Variants in HTR2C observed in about 807,000 individuals in gnomAD.
The protein encoded by HTR2C is 5-hydroxytryptamine receptor 2C.
HTR2C carries 5 observed loss-of-function variants against 21.0 expected under a neutral mutation model. The observed-to-expected ratio is 0.24, with a 90% CI of 0.12 to 0.50. The LOEUF (loss-of-function observed/expected upper bound fraction) is 0.50. HTR2C is among the 20% of genes least tolerant of loss of function. The pLI is 0.98. For missense variants in HTR2C, 271 were observed against 371.2 expected, an observed-to-expected ratio of 0.73 and a Z score of 2.22; for synonymous variants, 150 against 145.3, an observed-to-expected ratio of 1.03 and a Z score of -0.23.
chrX:114,658,614 T>C (rs1556409651), intron 2 of HTR2C, among the ~76,000 whole-genome samples: 1 of 111,214 alleles, frequency 9.0e-6, no homozygotes, highest in African/African-American at 3.3e-5. Flanking sequence ...TACTCTCCCA[T>C]AGTAAATATG....
At chrX:114,735,012 A>G (rs2069576699) in intron 4 of HTR2C, among the ~76,000 whole-genome samples, 1 of 111,702 alleles carries the variant, frequency 9.0e-6, no homozygotes, top group Non-Finnish European at 1.9e-5. Context: ...TTTAAAAAAT[A>G]AAATAGTGGA....
At chrX:114,848,948 G>A (rs1556468456) in intron 5 of HTR2C, among the ~76,000 whole-genome samples, 1 of 111,199 alleles carries the variant, frequency 9.0e-6, no homozygotes, top group Admixed American at 9.6e-5. Context: ...TCCAGTTGGT[G>A]TAAATAATTT....
At position 114,587,512 on chromosome X, in the gene HTR2C, T is replaced by G. The variant is rs782585138; in HGVS notation, c.-147+2853T>G. 6.2e-5 allele frequency among the ~76,000 whole-genome samples: 7 copies of G among 112,282 alleles called. No homozygotes were observed. The South Asian group carries it at 2.6e-3, about 41-fold the overall frequency. On this transcript the variant is annotated intron_variant, in intron 1 of 5. Transcript: ENST00000276198. ...TCATAAATTGAAGTTAATAATATAT[T>G]ATTGTGATATTTTATGTCAGTATCA... is the stretch of plus-strand genomic sequence containing the variant.
chrX:114,759,069 C>G (rs2069841003), intron 4 of HTR2C, among the ~76,000 whole-genome samples: 1 of 111,811 alleles, frequency 8.9e-6, no homozygotes, highest in Admixed American at 9.6e-5. Context: ...AAAAAATACT[C>G]ATGTTCAGGT....
chrX:114,827,566 ATTTTCCTTTAGTGTAATTTCCTTTAGTG>A (rs1466112279), intron 4 of HTR2C, among the ~76,000 whole-genome samples: 2 of 109,595 alleles, frequency 1.8e-5, no homozygotes, highest in African/African-American at 3.3e-5. Context: ...CTTTAGTGTA[ATTTTCCTTTAGTGTAATTTCCTTTAGTG>A]TTTTCCTTTA....
At chrX:114,669,495 T>A (rs1330831967) in intron 2 of HTR2C, among the ~76,000 whole-genome samples, 1 of 111,997 alleles carries the variant, frequency 8.9e-6, no homozygotes, top group Non-Finnish European at 1.9e-5. Flanking sequence ...TTGAGCATAA[T>A]AATCATCAGG....
At chrX:114,588,666 C>T (rs1263185338) in intron 1 of HTR2C, among the ~76,000 whole-genome samples, 3 of 111,725 alleles carry the variant, frequency 2.7e-5, no homozygotes, top group African/African-American at 9.7e-5. Context: ...TAAACGCTTA[C>T]GAATAAATGT....
At chrX:114,806,273 T>G (rs782277043) in intron 4 of HTR2C, among the ~76,000 whole-genome samples, 1 of 98,415 alleles carries the variant, frequency 1.0e-5, no homozygotes, top group Non-Finnish European at 2.0e-5. Context: ...ATATACACCA[T>G]ATATATACAC....
intron 5 of HTR2C, among the ~76,000 whole-genome samples, chrX:114,891,939 T>C (rs782165494): frequency 8.1e-5 from 9 of 111,586 alleles, no homozygotes; most frequent in African/African-American, 2.9e-4. Flanking sequence ...CTTTTTTCTC[T>C]TATTTATCCT....
In HTR2C at chrX:114,821,850, A is replaced by T. The variant is rs1443469920; in HGVS notation, c.350-26153A>T. On this transcript the variant is annotated intron_variant, in intron 4 of 5. Transcript: ENST00000276198. ...TGTTAATCCTGCTAGTGTCATCAAG[A>T]CTAAACAAATTATAAAGACTAAATA... is the stretch of plus-strand genomic sequence containing the variant. Among the ~76,000 whole-genome samples, 6 of 109,554 alleles carry T rather than the reference A, an allele frequency of 5.5e-5. No individual in the cohort carries two copies. In the South Asian group the frequency reaches 2.0e-3, roughly 36 times the overall value.
chrX:114,776,132 C>T (rs2070054417), intron 4 of HTR2C: 4 of 507,567 alleles, frequency 7.9e-6, no homozygotes, highest in Admixed American at 5.2e-5. Context: ...CTCAAAGATT[C>T]CATCCTGAAT....
At chrX:114,858,810 G>T (rs979469791) in intron 5 of HTR2C, among the ~76,000 whole-genome samples, 12 of 110,050 alleles carry the variant, frequency 1.1e-4, no homozygotes, top group African/African-American at 3.9e-4. Context: ...ATATTTGTAA[G>T]TTTTGTAAAA....
At chrX:114,877,600 A>G (rs2071148794) in intron 5 of HTR2C, among the ~76,000 whole-genome samples, 1 of 110,851 alleles carries the variant, frequency 9.0e-6, no homozygotes, top group Non-Finnish European at 1.9e-5. Context: ...TATTAGAACT[A>G]CTATTGCTAC....
chrX:114,650,602 A>T (rs931532252), intron 2 of HTR2C, among the ~76,000 whole-genome samples: 2 of 110,770 alleles, frequency 1.8e-5, no homozygotes, highest in Admixed American at 9.6e-5. Context: ...CATCCAAACT[A>T]CTCACTCCCA....
intron 4 of HTR2C, among the ~76,000 whole-genome samples, chrX:114,815,033 TC>T (rs1327353808): frequency 9.5e-6 from 1 of 104,806 alleles, no homozygotes; most frequent in African/African-American, 3.4e-5. Context: ...ATATTGTATA[TC>T]ATATAATAAA....
chrX:114,761,990 C>CATATGTGTATATATATGTG lies in HTR2C; in HGVS notation c.349+30383_349+30384insATATGTGTATATATATGTG, dbSNP rs782126342. Among the ~76,000 whole-genome samples the CATATGTGTATATATATGTG allele has an allele frequency of 2.0e-4, 2 of 9,911 alleles. 1 individual carries two copies. The highest frequency in any genetic ancestry group is 3.9e-4 in the Non-Finnish European group (2 of 5,085). 8.6% of individuals were successfully genotyped at this position (9,911 alleles called of 115,157 possible). A position where few individuals can be genotyped will look rare whatever the true frequency, so the allele number is the denominator to read the frequency against. On this transcript the variant is annotated intron_variant, in intron 4 of 5. Transcript: ENST00000276198. ...ATGTGTATATATACGTGTATATATA[C>CATATGTGTATATATATGTG]TATATATACACATATATATAGTATA...
chrX:114,903,329 T>G (rs1377908403), intron 5 of HTR2C, among the ~76,000 whole-genome samples: 2 of 112,443 alleles, frequency 1.8e-5, no homozygotes, highest in African/African-American at 6.5e-5. Flanking sequence ...GGTAAACTGG[T>G]TAAGCTACTT....
chrX:114,726,420 C>G (rs1489037710), intron 2 of HTR2C, among the ~76,000 whole-genome samples: 3 of 112,394 alleles, frequency 2.7e-5, no homozygotes, highest in African/African-American at 9.7e-5. Context: ...CTGTCTGGCA[C>G]TCCCTAGTGA....
chrX:114,724,130 A>G (rs1449433415), intron 2 of HTR2C, among the ~76,000 whole-genome samples: 3 of 104,724 alleles, frequency 2.9e-5, no homozygotes, highest in African/African-American at 1.0e-4. Context: ...AAAGTCCTCC[A>G]TTATTATTGT....
Sources: allele counts gnomAD v4.1 joint callset (sites outside exome capture counted in the v4.1 genomes callset), GRCh38; gene constraint gnomAD v4.1.1; transcripts MANE v1.5; gene names NCBI Gene and HGNC (gene_info 2026-07-23, HGNC 2026-07-21).